The following PCDHA3 variants were observed in gnomAD, a reference collection of about 807,000 sequenced individuals.
The protein encoded by PCDHA3 is protocadherin alpha 3.
In PCDHA3, 41 loss-of-function variants were observed where a neutral mutation model predicts 62.2. The ratio of observed to expected loss-of-function variants is 0.66; its 90% CI spans 0.51 to 0.86. The LOEUF is 0.86. PCDHA3 is among the 40% of genes least tolerant of loss of function. The probability of loss-of-function intolerance (pLI) is 0.00; values close to 1 mark genes in which losing one functional copy is unlikely to be tolerated. For synonymous variants in PCDHA3, 640 were observed against 555.4 expected (o/e 1.15, Z -2.14); for missense variants, 1,304 against 1,241.2 (o/e 1.05, Z -0.76).
intron 1 of PCDHA3, among the ~76,000 whole-genome samples, chr5:140,939,735 G>A (rs2092448026): frequency 6.6e-6 from 1 of 152,174 alleles, no homozygotes; most frequent in South Asian, 2.1e-4. Flanking sequence ...GTGTGTAGCT[G>A]TGTATCATTC....
chr5:140,826,340 CCCTTT>C (rs1437907003), intron 1 of PCDHA3, among the ~76,000 whole-genome samples: 2 of 152,002 alleles, frequency 1.3e-5, no homozygotes, highest in African/African-American at 4.8e-5. Flanking sequence ...AGAAATTGAA[CCCTTT>C]GTTTGCCCAA....
intron 1 of PCDHA3, among the ~76,000 whole-genome samples, chr5:140,904,628 A>G (rs2071277621): frequency 6.6e-6 from 1 of 152,002 alleles, no homozygotes; most frequent in African/African-American, 2.4e-5. Context: ...TTAGTTCTTT[A>G]AGGAATCTCC....
rs7701755 is a variant in PCDHA3 at position 140,802,516 on chromosome 5, G to T, written c.1319G>T (p.Ser440Ile). 0.54 allele frequency: 868,677 copies of T among 1,613,918 alleles called. 235,507 individuals are homozygous for T. The highest frequency in any genetic ancestry group is 0.7 in the African/African-American group (52,592 of 74,998). Residue 440 changes from serine (S) to isoleucine (I), a missense_variant, in exon 1 of 4, where the codon AGC becomes ATC. Physicochemically the swap from Ser to Ile is moderately radical, Grantham distance 142 (BLOSUM62 -2). Coordinates refer to ENST00000522353, the MANE Select transcript of PCDHA3 (RefSeq NM_018906.3). ...TCGCCTTCACTGTGGGCCACGGCCAGCGTGTCCGTGGAGGTGGCCGACGTG... is the reference window on the plus strand; with the variant it reads ...TCGCCTTCACTGTGGGCCACGGCCATCGTGTCCGTGGAGGTGGCCGACGTG... ...GGSPSLWATASVSVEVADVND... is the reference protein window; with the variant it reads ...GGSPSLWATAIVSVEVADVND...
At chr5:140,843,750 A>G (rs2150366095) in intron 1 of PCDHA3, 5 of 1,520,464 alleles carry the variant, frequency 3.3e-6, no homozygotes, top group South Asian at 1.2e-5. Context: ...CATAAATTCT[A>G]TTTGTGGAAA....
rs2150140875 is a variant in PCDHA3 at position 140,825,709 on chromosome 5, A to T, written c.2394+22118A>T. The T allele has an allele frequency of 8.5e-5, 13 of 152,476 alleles. No homozygotes were observed. In the South Asian group the frequency reaches 2.7e-3, roughly 32 times the overall value. 9.4% of individuals were successfully genotyped at this position (152,476 alleles called of 1,614,324 possible). ...AGTGCTGGGATTGCAGGCATGAGCC[A>T]TCGCGCCTGGCCTAAATTATTATAT... On this transcript the variant is annotated intron_variant, in intron 1 of 3. Coordinates refer to ENST00000522353, the MANE Select transcript of PCDHA3 (RefSeq NM_018906.3).
chr5:140,883,339 C>G (rs142984869), intron 1 of PCDHA3: 2 of 1,614,172 alleles, frequency 1.2e-6, no homozygotes, highest in South Asian at 2.2e-5. Flanking sequence ...CTTTGTCACT[C>G]CCCATCAGAG....
chr5:140,835,898 G>T lies in PCDHA3; in HGVS notation c.2394+32307G>T, dbSNP rs2150247809. 5 of 1,612,080 alleles carry T rather than the reference G, an allele frequency of 3.1e-6. No homozygotes were observed. The Admixed American group carries it at 8.3e-5, about 27-fold the overall frequency. ...TGCGGGTGGGCGAGCGCGCGCTGTCGAGCTACGTGTCAGTGCACGCGGAGA... is the reference window on the plus strand; with the variant it reads ...TGCGGGTGGGCGAGCGCGCGCTGTCTAGCTACGTGTCAGTGCACGCGGAGA... On this transcript the variant is annotated intron_variant, in intron 1 of 3. Transcript: ENST00000522353.
intron 1 of PCDHA3, chr5:140,834,135 T>G: frequency 4.1e-6 from 2 of 483,320 alleles, no homozygotes; most frequent in Middle Eastern, 5.3e-4. Context: ...TTTCATCTGA[T>G]TAATAGTTTG....
Position 140,843,987 on chromosome 5 carries a change from G to T in PCDHA3, c.2394+40396G>T, listed in dbSNP as rs1007978772. ...ATTTATTTTGGCCTGCCTTACAGCCGTCTTCTCTGAACAATACTCTAAGGA... is the reference window on the plus strand; with the variant it reads ...ATTTATTTTGGCCTGCCTTACAGCCTTCTTCTCTGAACAATACTCTAAGGA... On this transcript the variant is annotated intron_variant, in intron 1 of 3. Coordinates refer to ENST00000522353, the MANE Select transcript of PCDHA3 (RefSeq NM_018906.3). Among the ~76,000 whole-genome samples the T allele has an allele frequency of 1.5e-4, 23 of 149,540 alleles. 2 individuals are homozygous for T. The highest frequency in any genetic ancestry group is 5.6e-4 in the African/African-American group (23 of 40,920).
intron 1 of PCDHA3, among the ~76,000 whole-genome samples, chr5:140,946,691 G>A (rs782114019): frequency 3.4e-5 from 5 of 147,578 alleles, no homozygotes; most frequent in African/African-American, 5.1e-5. Context: ...TGACAATATG[G>A]ATGAATCTGG....
intron 1 of PCDHA3, among the ~76,000 whole-genome samples, chr5:140,847,068 T>C (rs1780845671): frequency 6.7e-6 from 1 of 149,654 alleles, no homozygotes; most frequent in South Asian, 2.1e-4. Context: ...AGCATCAATA[T>C]GACAAGTAGA....
chr5:140,988,936 T>C (rs2097321406), intron 3 of PCDHA3: 1 of 152,158 alleles, frequency 6.6e-6, no homozygotes, highest in Non-Finnish European at 1.5e-5. Flanking sequence ...ACTGTTCTCT[T>C]AGGCTGCAGT....
In PCDHA3 at chr5:140,879,581, G is replaced by A. The variant is rs537126502; in HGVS notation, c.2394+75990G>A. On this transcript the variant is annotated intron_variant, in intron 1 of 3. Transcript: ENST00000522353. ...ATGAAAGAATAAAATTGCCAAGACA[G>A]ACATTGAAAAGTGAAAAACAATGTG... Among the ~76,000 whole-genome samples the A allele has an allele frequency of 2.6e-5, 4 of 152,334 alleles. No individual in the cohort carries two copies. In the East Asian group the frequency reaches 7.7e-4, roughly 29 times the overall value.
intron 1 of PCDHA3, among the ~76,000 whole-genome samples, chr5:140,846,505 G>A (rs1780519041): frequency 6.8e-6 from 1 of 146,968 alleles, no homozygotes; most frequent in Non-Finnish European, 1.5e-5. Flanking sequence ...CTCCCAAGTA[G>A]CTGGGATTAC....
intron 1 of PCDHA3, chr5:140,884,047 G>A: frequency 1.9e-6 from 3 of 1,613,390 alleles, no homozygotes; most frequent in East Asian, 2.2e-5. Flanking sequence ...TGGTGGCGAA[G>A]GTGCGCGCGG....
At chr5:140,834,489 C>T (rs141682483) in intron 1 of PCDHA3, 4 of 1,614,000 alleles carry the variant, frequency 2.5e-6, no homozygotes, top group Admixed American at 1.7e-5. Context: ...CTACTCGGTC[C>T]CCGAGGAGGC....
At chr5:140,876,398 A>G (rs782094508) in intron 1 of PCDHA3, 1 of 1,613,962 alleles carries the variant, frequency 6.2e-7, no homozygotes, top group Non-Finnish European at 8.5e-7. Context: ...GGTGAACTGG[A>G]TTTTGAAGAG....
At chr5:140,875,935 G>A (rs781964808) in intron 1 of PCDHA3, 14 of 1,614,210 alleles carry the variant, frequency 8.7e-6, no homozygotes, top group African/African-American at 1.3e-5. Flanking sequence ...TTTTCCTCTA[G>A]AGGGCGCTTC....
intron 1 of PCDHA3, among the ~76,000 whole-genome samples, chr5:140,964,876 G>A (rs2095860081): frequency 6.6e-6 from 1 of 152,188 alleles, no homozygotes; most frequent in Non-Finnish European, 1.5e-5. Flanking sequence ...CAAATAAGAA[G>A]CAGCAGTGAT....
Sources: allele counts gnomAD v4.1 joint callset (sites outside exome capture counted in the v4.1 genomes callset), GRCh38; gene constraint gnomAD v4.1.1; transcripts MANE v1.5; gene names NCBI Gene and HGNC (gene_info 2026-07-23, HGNC 2026-07-21).